The following SPON2 variants were observed in gnomAD, a reference collection of about 807,000 sequenced individuals.
The protein encoded by SPON2 is spondin-2.
SPON2 carries 32 observed loss-of-function variants against 29.9 expected under a neutral mutation model. The observed-to-expected ratio is 1.07, with a 90% CI of 0.81 to 1.44. The LOEUF (loss-of-function observed/expected upper bound fraction) is 1.44. SPON2 is among the 40% of genes most tolerant of loss of function. The pLI is 0.00. For synonymous variants in SPON2, 248 were observed against 209.1 expected, an observed-to-expected ratio of 1.19 and a Z score of -1.61; for missense variants, 541 against 455.5, an observed-to-expected ratio of 1.19 and a Z score of -1.71.
chr4:1,200,947 C>T, intron 1 of SPON2: 1 of 456,770 alleles, frequency 2.2e-6, no homozygotes, highest in South Asian at 1.5e-5. Context: ...CCTCCTGGCT[C>T]TGTTGCAGCA....
chr4:1,198,608 G>A (rs1488902152), upstream of SPON2, among the ~76,000 whole-genome samples: 1 of 151,974 alleles, frequency 6.6e-6, no homozygotes, highest in Non-Finnish European at 1.5e-5. Context: ...CAGCAAATAG[G>A]AACCAACGCA....
intron 1 of SPON2, among the ~76,000 whole-genome samples, chr4:1,203,546 A>C (rs1728268195): frequency 6.6e-6 from 1 of 152,130 alleles, no homozygotes. Flanking sequence ...ATTGTGAATA[A>C]TGCTACCAGG....
rs1260831105 is a variant in SPON2 at position 1,202,449 on chromosome 4, C to T, written c.-234+5431G>A. Among the ~76,000 whole-genome samples, 4 of 152,326 alleles carry T rather than the reference C, an allele frequency of 2.6e-5. No homozygotes were observed. The highest frequency in any genetic ancestry group is 2.1e-4 in the South Asian group (1 of 4,830). ...TACTCACCGCTCTCACATACAAAATCATATGAGTCAGCATTCTCTAGAGGG... is the reference window on the plus strand; with the variant it reads ...TACTCACCGCTCTCACATACAAAATTATATGAGTCAGCATTCTCTAGAGGG... On this transcript the variant is annotated intron_variant, in intron 1 of 3. Coordinates refer to the SPON2 transcript ENST00000509233. This position sits in a 1 kb window ranked among gnomAD's most constrained non-coding sequence, Gnocchi z 5.4.
At chr4:1,203,727 G>A (rs976823061) in intron 1 of SPON2, among the ~76,000 whole-genome samples, 1 of 152,102 alleles carries the variant, frequency 6.6e-6, no homozygotes, top group African/African-American at 2.4e-5. Context: ...TGATGCTTTC[G>A]GTTCCAGCCA....
chr4:1,193,359 T>C (rs1273218382), intron 1 of SPON2, among the ~76,000 whole-genome samples: 1 of 151,830 alleles, frequency 6.6e-6, no homozygotes, highest in Non-Finnish European at 1.5e-5. Context: ...CGTCACCGGG[T>C]ATCTGTCCTG....
chr4:1,194,430 C>A (rs1370562922), intron 1 of SPON2, among the ~76,000 whole-genome samples: 1 of 152,166 alleles, frequency 6.6e-6, no homozygotes, highest in Non-Finnish European at 1.5e-5. Context: ...GCCTGGAGGA[C>A]CGGATGGAGC....
chr4:1,200,473 G>A (rs968363893), intron 1 of SPON2, among the ~76,000 whole-genome samples: 1 of 152,156 alleles, frequency 6.6e-6, no homozygotes, highest in Non-Finnish European at 1.5e-5. Context: ...TGGTGTCAGA[G>A]CAGGGGAGGC....
At chr4:1,207,251 G>A (rs1728364898) in intron 1 of SPON2, among the ~76,000 whole-genome samples, 1 of 152,136 alleles carries the variant, frequency 6.6e-6, no homozygotes. Flanking sequence ...AGGCCTAGAC[G>A]CCTGTAGGGG....
At chr4:1,201,617 C>G (rs1168149632) in intron 1 of SPON2, among the ~76,000 whole-genome samples, 1 of 151,566 alleles carries the variant, frequency 6.6e-6, no homozygotes, top group Non-Finnish European at 1.5e-5. Flanking sequence ...GAGTCTTGCT[C>G]TGTCACCCAG....
At chr4:1,203,451 G>A (rs901148983) in intron 1 of SPON2, among the ~76,000 whole-genome samples, 1 of 152,196 alleles carries the variant, frequency 6.6e-6, no homozygotes, top group Non-Finnish European at 1.5e-5. Context: ...CCTTTTTACG[G>A]GTGAAGAATA....
chr4:1,183,253 AAAC>A (rs1430315884), intron 1 of SPON2, among the ~76,000 whole-genome samples: 208 of 151,242 alleles, frequency 1.4e-3, no homozygotes, highest in Non-Finnish European at 2.7e-3. Context: ...AAAAAAAAAA[AAAC>A]AAAAAAGAAA....
intron 1 of SPON2, among the ~76,000 whole-genome samples, chr4:1,194,016 G>C (rs1424727304): frequency 6.6e-6 from 1 of 151,958 alleles, no homozygotes; most frequent in Non-Finnish European, 1.5e-5. Flanking sequence ...GTGGAACCCA[G>C]GGGGGTGCCC....
rs769597413 is a variant in SPON2 at position 1,167,486 on chromosome 4, C to G, written c.982G>C (p.Asp328His). Reference protein sequence around the residue: ...ELEEEAECVPDNCV With the variant: ...ELEEEAECVPHNCV ...GGGCTCTGGTCTTAGACGCAGTTAT[C>G]AGGGACGCACTCAGCCTCTTCTTCG... is the stretch of plus-strand genomic sequence containing the variant. The change falls in exon 6 of 6, where the codon GAT becomes CAT. Residue 328 changes from aspartate (D) to histidine (H), a missense_variant. Transcript: ENST00000290902. 3.5e-5 allele frequency: 57 copies of G among 1,613,204 alleles called. No individual in the cohort carries two copies. The highest frequency in any genetic ancestry group is 4.4e-5 in the Non-Finnish European group (52 of 1,179,792).
rs779850450 is a variant in SPON2, at chr4:1,172,098, C to T, written c.-3-24G>A. The T allele has an allele frequency of 1.9e-6, 3 of 1,598,612 alleles. No individual in the cohort carries two copies. The East Asian group carries it at 6.7e-5, about 36-fold the overall frequency. On this transcript the variant is annotated intron_variant, in intron 1 of 5. Coordinates refer to ENST00000290902, the MANE Select transcript of SPON2 (RefSeq NM_012445.4). ...ACCTGGGAGCACAGAGGGGAGCAGCCGCGCGCTGGCACCGTCGTGGCAGCC... is the reference window on the plus strand; with the variant it reads ...ACCTGGGAGCACAGAGGGGAGCAGCTGCGCGCTGGCACCGTCGTGGCAGCC...
chr4:1,190,480 A>G (rs1433786279), intron 1 of SPON2, among the ~76,000 whole-genome samples: 1 of 152,226 alleles, frequency 6.6e-6, no homozygotes, highest in Non-Finnish European at 1.5e-5. Flanking sequence ...CAAAATCGTC[A>G]CACAAAAAAT....
chr4:1,186,555 C>T (rs1289482658), intron 1 of SPON2, among the ~76,000 whole-genome samples: 2 of 152,086 alleles, frequency 1.3e-5, no homozygotes, highest in African/African-American at 4.8e-5. Context: ...CCACCCACCT[C>T]GGCCTCCCAA....
intron 1 of SPON2, chr4:1,200,578 G>A (rs984849080): frequency 2.3e-5 from 8 of 342,612 alleles, no homozygotes; most frequent in African/African-American, 8.6e-5. Flanking sequence ...CTCACCCCAC[G>A]GGAACGTGGT....
upstream of SPON2, among the ~76,000 whole-genome samples, chr4:1,174,511 C>CAA (rs1192907871): frequency 1.5e-5 from 2 of 136,000 alleles, no homozygotes; most frequent in Non-Finnish European, 3.1e-5. Flanking sequence ...AACAAAAAAA[C>CAA]AAAAAACAAA....
At chr4:1,183,246 A>AT (rs1022547880) in intron 1 of SPON2, among the ~76,000 whole-genome samples, 2 of 151,272 alleles carry the variant, frequency 1.3e-5, no homozygotes, top group African/African-American at 4.9e-5. Flanking sequence ...CCATCAAAAA[A>AT]AAAAAAAAAC....
Sources: allele counts gnomAD v4.1 joint callset (sites outside exome capture counted in the v4.1 genomes callset), GRCh38; gene constraint gnomAD v4.1.1; non-coding constraint Gnocchi (gnomAD v3.1); transcripts MANE v1.5; gene names NCBI Gene and HGNC (gene_info 2026-07-23, HGNC 2026-07-21).